The following CTDSP2 variants were observed in gnomAD, a reference collection of about 807,000 sequenced individuals.
CTDSP2 encodes the protein carboxy-terminal domain RNA polymerase II polypeptide A small phosphatase 2.
In CTDSP2, 9 loss-of-function variants were observed where a neutral mutation model predicts 31.6. That is an observed-to-expected ratio of 0.28 (90% CI 0.17 to 0.50). The LOEUF is 0.50. Ranked by LOEUF, CTDSP2 falls within the 20% of genes least tolerant of loss-of-function variation. The pLI, the probability that CTDSP2 is intolerant of heterozygous loss-of-function variation, is 0.98. For missense variants in CTDSP2, 267 were observed against 348.5 expected (o/e 0.77, Z 1.86); for synonymous variants, 134 against 134.5 (o/e 1.00, Z 0.03).
intron 3 of CTDSP2, 67 bp from the exon 4 acceptor site, chr12:57,827,164 T>A: frequency 8.6e-7 from 1 of 1,159,060 alleles, no homozygotes; most frequent in Non-Finnish European, 1.3e-6. Flanking sequence ...TTGGCATAAT[T>A]ATGGGAAGAG....
At chr12:57,837,841 T>G (rs1956257449) in intron 1 of CTDSP2, among the ~76,000 whole-genome samples, 1 of 152,208 alleles carries the variant, frequency 6.6e-6, no homozygotes, top group South Asian at 2.1e-4. Context: ...ATTAGTTCCC[T>G]TTCCCTGGGC....
rs1434650903 is a variant in CTDSP2, at chr12:57,820,339, C to G, written c.*3263G>C. On this transcript the variant is annotated 3_prime_UTR_variant, in exon 8 of 8. Transcript: ENST00000398073. ...AGGAGAAAAAAGACAGAACTAAACC[C>G]GTTTAGGAAAAAGGGACCGAGGGAC... The G allele has an allele frequency of 1.3e-5, 2 of 152,168 alleles. No individual in the cohort carries two copies. The highest frequency in any genetic ancestry group is 4.8e-5 in the African/African-American group (2 of 41,434). The allele number at this position is 152,168 out of a possible 1,614,324, so 9.4% of individuals were successfully genotyped here. A position where few individuals can be genotyped will look rare whatever the true frequency, so the allele number is the denominator to read the frequency against.
In CTDSP2 at chr12:57,835,998, G is replaced by A. The variant is rs1328566763; in HGVS notation, c.65-6402C>T. On this transcript the variant is annotated intron_variant, in intron 1 of 7. Coordinates refer to ENST00000398073, the MANE Select transcript of CTDSP2 (RefSeq NM_005730.4). ...CACTGTGCTAACTCTAAAGCTAAAT[G>A]CTGCGCTTGTTTTAATTAATTATCC... Among the ~76,000 whole-genome samples, 5 of 152,158 alleles carry A rather than the reference G, an allele frequency of 3.3e-5. No individual in the cohort carries two copies. The East Asian group carries it at 9.6e-4, about 29-fold the overall frequency.
At position 57,837,983 on chromosome 12, in the gene CTDSP2, A is replaced by T. The variant is rs377292702; in HGVS notation, c.65-8387T>A. Among the ~76,000 whole-genome samples the T allele has an allele frequency of 3.7e-4, 57 of 152,284 alleles. 3 individuals carry two copies. Among genetic ancestry groups the T allele is most frequent in the East Asian group, 1.2e-3 (6 of 5,158 alleles). On this transcript the variant is annotated intron_variant, in intron 1 of 7. Coordinates refer to ENST00000398073, the MANE Select transcript of CTDSP2 (RefSeq NM_005730.4). The stretch of plus-strand genomic sequence containing the variant: ...CAATCTGTTCTCTGACCTCAGCTAG[A>T]GAGGTAAGAGGACTCAGTTTTGGGA...
intron 1 of CTDSP2, among the ~76,000 whole-genome samples, chr12:57,838,496 T>C (rs574712550): frequency 6.6e-6 from 1 of 152,202 alleles, no homozygotes; most frequent in East Asian, 1.9e-4. Context: ...TCTCAGTGAG[T>C]GTTTCAAGTT....
intron 1 of CTDSP2, among the ~76,000 whole-genome samples, chr12:57,844,145 AGATTGCGC>A (rs1390217778): frequency 6.6e-6 from 1 of 151,850 alleles, no homozygotes; most frequent in Non-Finnish European, 1.5e-5. Flanking sequence ...CAGTGAGCTG[AGATTGCGC>A]CACTGCACTC....
chr12:57,841,001 G>A (rs188797889), intron 1 of CTDSP2, among the ~76,000 whole-genome samples: 6 of 152,188 alleles, frequency 3.9e-5, no homozygotes, highest in African/African-American at 1.4e-4. Context: ...ATTCTATTTG[G>A]TCTCTGGTCC....
rs997945408 is a variant in CTDSP2, at chr12:57,820,853, C to G, written c.*2749G>C. 1.3e-5 allele frequency: 2 copies of G among 151,912 alleles called. No homozygotes were observed. The highest frequency in any genetic ancestry group is 2.9e-5 in the Non-Finnish European group (2 of 67,820). 9.4% of individuals were successfully genotyped at this position (151,912 alleles called of 1,614,324 possible). On this transcript the variant is annotated 3_prime_UTR_variant, in exon 8 of 8. Coordinates refer to ENST00000398073, the MANE Select transcript of CTDSP2 (RefSeq NM_005730.4). ...ACATCAGGCTTTTGATTTAGAAGCC[C>G]AATCAGAGAGACACACTGTGTCCCT... is the stretch of plus-strand genomic sequence containing the variant.
In CTDSP2 at chr12:57,821,745, C is replaced by A. The variant is rs1320615803; in HGVS notation, c.*1857G>T. On this transcript the variant is annotated 3_prime_UTR_variant, in exon 8 of 8. Coordinates refer to ENST00000398073, the MANE Select transcript of CTDSP2 (RefSeq NM_005730.4). ...TTTAGGTACACCGGGACCCCATAGG[C>A]ACCGGGGAGTGATGCTGGCGGAAAT... 2.0e-5 allele frequency: 3 copies of A among 152,240 alleles called. No individual in the cohort carries two copies. Among genetic ancestry groups the A allele is most frequent in the African/African-American group, 7.2e-5 (3 of 41,446 alleles). The allele number at this position is 152,240 out of a possible 1,614,324, so 9.4% of individuals were successfully genotyped here.
At chr12:57,826,317 G>T in intron 5 of CTDSP2, 29 bp downstream of exon 5, 1 of 1,610,802 alleles carries the variant, frequency 6.2e-7, no homozygotes, top group Non-Finnish European at 8.5e-7. Context: ...CCACCCTCTG[G>T]GCTGGGTGTG....
At chr12:57,843,412 A>G (rs1333107121) in intron 1 of CTDSP2, among the ~76,000 whole-genome samples, 1 of 152,114 alleles carries the variant, frequency 6.6e-6, no homozygotes, top group East Asian at 1.9e-4. Context: ...AGATGATCCA[A>G]TTTTGGTGCT....
At chr12:57,834,640 T>A (rs1430827197) in intron 1 of CTDSP2, among the ~76,000 whole-genome samples, 1 of 152,110 alleles carries the variant, frequency 6.6e-6, no homozygotes, top group Non-Finnish European at 1.5e-5. Context: ...ATCTGAAACT[T>A]GTGTCAAAGA....
chr12:57,830,111 T>C lies in CTDSP2; in HGVS notation c.65-515A>G, dbSNP rs552176418. On this transcript the variant is annotated intron_variant, in intron 1 of 7. Coordinates refer to ENST00000398073, the MANE Select transcript of CTDSP2 (RefSeq NM_005730.4). ...TAAAAACTTCAGGATAGAGGCCAGG[T>C]GCAGTGGCTCACGCCTGTAATTCCA... 1.8e-4 allele frequency among the ~76,000 whole-genome samples: 27 copies of C among 152,194 alleles called. No homozygotes were observed. The South Asian group carries it at 5.6e-3, about 32-fold the overall frequency.
At position 57,831,323 on chromosome 12, in the gene CTDSP2, C is replaced by T. The variant is rs113737853; in HGVS notation, c.65-1727G>A. ...ATACAAAACAGCCGTGCGTGTGGCA[C>T]GCGCTTGTAATCCCAGCCACTTGGG... is the stretch of plus-strand genomic sequence containing the variant. On this transcript the variant is annotated intron_variant, in intron 1 of 7. Transcript: ENST00000398073. 1.6e-3 allele frequency among the ~76,000 whole-genome samples: 242 copies of T among 151,976 alleles called. 2 individuals are homozygous for T. Among genetic ancestry groups the T allele is most frequent in the African/African-American group, 5.5e-3 (230 of 41,468 alleles).
At chr12:57,840,913 G>A (rs1199539965) in intron 1 of CTDSP2, among the ~76,000 whole-genome samples, 2 of 152,130 alleles carry the variant, frequency 1.3e-5, no homozygotes, top group African/African-American at 2.4e-5. Flanking sequence ...GCTCACTGGA[G>A]TACCCTGTGA....
chr12:57,841,408 C>G (rs1182562246), intron 1 of CTDSP2, among the ~76,000 whole-genome samples: 2 of 152,208 alleles, frequency 1.3e-5, no homozygotes, highest in Non-Finnish European at 2.9e-5. Flanking sequence ...ACTCTCAAAG[C>G]AGACAGTGAG....
intron 1 of CTDSP2, among the ~76,000 whole-genome samples, chr12:57,835,949 G>C (rs1956245093): frequency 6.6e-6 from 1 of 152,196 alleles, no homozygotes; most frequent in South Asian, 2.1e-4. Flanking sequence ...GGACTGAAAG[G>C]ATAAACGAAG....
intron 2 of CTDSP2, 131 bp downstream of exon 2, chr12:57,829,317 G>A (rs1431618578): frequency 2.0e-6 from 2 of 1,017,046 alleles, no homozygotes; most frequent in Non-Finnish European, 3.0e-6. Flanking sequence ...AAGGATGGAG[G>A]AAGGGCCCCC....
intron 1 of CTDSP2, among the ~76,000 whole-genome samples, chr12:57,838,506 T>C (rs1956261250): frequency 6.6e-6 from 1 of 152,208 alleles, no homozygotes; most frequent in Non-Finnish European, 1.5e-5. Context: ...TGTTTCAAGT[T>C]CCTGCCTTAG....
Sources: allele counts gnomAD v4.1 joint callset (sites outside exome capture counted in the v4.1 genomes callset), GRCh38; gene constraint gnomAD v4.1.1; transcripts MANE v1.5; gene names NCBI Gene and HGNC (gene_info 2026-07-23, HGNC 2026-07-21).